The following NOTCH2 variants were observed in gnomAD, a reference collection of about 807,000 sequenced individuals.
NOTCH2 encodes neurogenic locus notch homolog protein 2.
A neutral mutation model predicts 235.8 loss-of-function variants in NOTCH2; 29 were observed. That is an observed-to-expected ratio of 0.12 (90% CI 0.09 to 0.17). The LOEUF (loss-of-function observed/expected upper bound fraction) is 0.17. Ranked by LOEUF, NOTCH2 falls within the 10% of genes least tolerant of loss-of-function variation. NOTCH2 has a pLI of 1.00. For missense variants in NOTCH2, 2,285 were observed against 3,150.2 expected (o/e 0.73, Z 6.57); for synonymous variants, 1,086 against 1,141.5 (o/e 0.95, Z 0.98).
chr1:119,967,722 C>A, intron 7 of NOTCH2, 101 bp from the exon 8 acceptor site: 1 of 1,011,812 alleles, frequency 9.9e-7, no homozygotes, highest in African/African-American at 1.6e-5. Flanking sequence ...AGGGCCAGGC[C>A]TTCAATAATA....
chr1:120,005,180 T>C (rs1553206088), intron 3 of NOTCH2, 149 bp downstream of exon 3: 2 of 923,594 alleles, frequency 2.2e-6, no homozygotes, highest in Admixed American at 2.0e-5. Context: ...TTAGGGATAG[T>C]TGTCTGGAAC....
chr1:119,918,317 G>T, intron 32 of NOTCH2, 89 bp downstream of exon 32: 1 of 1,401,212 alleles, frequency 7.1e-7, no homozygotes, highest in Non-Finnish European at 1.0e-6. Context: ...TGGATCTCAG[G>T]CAGTTCTCTA....
At chr1:119,927,797 T>C (rs1649525248) in intron 23 of NOTCH2, among the ~76,000 whole-genome samples, 1 of 152,256 alleles carries the variant, frequency 6.6e-6, no homozygotes, top group Non-Finnish European at 1.5e-5. Flanking sequence ...ATAGCTATTA[T>C]GTTCACAATG....
intron 23 of NOTCH2, among the ~76,000 whole-genome samples, 175 bp from the exon 24 acceptor site, chr1:119,926,786 G>A (rs752481732): frequency 2.0e-5 from 3 of 152,132 alleles, no homozygotes; most frequent in Non-Finnish European, 4.4e-5. Flanking sequence ...ATCTCAACAT[G>A]ATTGGCCTGT....
chr1:119,967,439 T>C lies in NOTCH2; in HGVS notation c.1447A>G (p.Met483Val). Reference sequence around the variant, plus strand: ...TGCTGATGGGCCCATTTACCTGGCATGCACAGACATGTGAAGCCTCCAATC... The same window carrying C: ...TGCTGATGGGCCCATTTACCTGGCACGCACAGACATGTGAAGCCTCCAATC... ...DKIGGFTCLC[M>V]PGFKGVHCEL... The change falls in exon 8 of 34, where the codon ATG becomes GTG. Residue 483 changes from methionine (M) to valine (V), a missense_variant. Met to Val is a conservative substitution (Grantham distance 21, BLOSUM62 1). Transcript: ENST00000256646. 6.2e-7 allele frequency: 1 copy of C among 1,614,076 alleles called. No individual in the cohort carries two copies. The highest frequency in any genetic ancestry group is 8.5e-7 in the Non-Finnish European group (1 of 1,179,924).
intron 1 of NOTCH2, among the ~76,000 whole-genome samples, chr1:120,033,826 C>T (rs1654198770): frequency 6.6e-6 from 1 of 152,118 alleles, no homozygotes; most frequent in Non-Finnish European, 1.5e-5. Flanking sequence ...GAAGGATACA[C>T]TAACTACCTT....
rs587598780 is a variant in NOTCH2, at chr1:119,912,634, A to C, written c.*2672T>G. The C allele has an allele frequency of 2.2e-4, 52 of 233,244 alleles. No individual in the cohort carries two copies. The South Asian group carries it at 3.4e-3, about 15-fold the overall frequency. 14.4% of individuals were successfully genotyped at this position (233,244 alleles called of 1,614,324 possible). A position where few individuals can be genotyped will look rare whatever the true frequency, so the allele number is the denominator to read the frequency against. On this transcript the variant is annotated 3_prime_UTR_variant, in exon 34 of 34. Transcript: ENST00000256646. ...CAGGCAGAAGAGGAGTCAAAGAAAG[A>C]AAGCATTTATAACAATAAAAATAAA...
intron 22 of NOTCH2, among the ~76,000 whole-genome samples, chr1:119,933,111 A>T (rs1553195368): frequency 6.6e-6 from 1 of 152,016 alleles, no homozygotes; most frequent in Non-Finnish European, 1.5e-5. Context: ...AATGAGCATA[A>T]ATGCATATTT....
At chr1:119,925,241 G>A in intron 25 of NOTCH2, 64 bp downstream of exon 25, 1 of 1,604,624 alleles carries the variant, frequency 6.2e-7, no homozygotes, top group Non-Finnish European at 8.5e-7. Context: ...TTAGGAGCAA[G>A]AACGAGAAAC....
At chr1:119,956,052 A>T (rs1650685764) in intron 12 of NOTCH2, among the ~76,000 whole-genome samples, 1 of 152,228 alleles carries the variant, frequency 6.6e-6, no homozygotes. Flanking sequence ...ACTTATCATC[A>T]TCATACAATG....
rs2101137553 is a variant in NOTCH2 at position 119,963,798 on chromosome 1, C to G, written c.1691G>C (p.Gly564Ala). The change falls in exon 11 of 34, where the codon GGT becomes GCT. Residue 564 changes from glycine (G) to alanine (A), a missense_variant. Around this residue, in one of 6 missense-constraint regions of NOTCH2, gnomAD observed 431 missense variants for 757.8 expected, o/e 0.57. Transcript: ENST00000256646. ...YECQCATGFT[G>A]VLCEENIDNC... ...GTCAATGTTCTCCTCACACAACACA[C>G]CAGTGAAACCTTTGGAAAGAATTTT... 2 of 1,613,804 alleles carry G rather than the reference C, an allele frequency of 1.2e-6. No homozygotes were observed. Among genetic ancestry groups the G allele is most frequent in the Non-Finnish European group, 1.7e-6 (2 of 1,179,722 alleles).
chr1:120,065,241 A>C (rs781848179), intron 1 of NOTCH2, among the ~76,000 whole-genome samples: 1 of 152,242 alleles, frequency 6.6e-6, no homozygotes, highest in Non-Finnish European at 1.5e-5. Flanking sequence ...CTGTTTTTAA[A>C]ATGTCTAGGA....
chr1:119,969,480 C>T (rs1370410623), intron 6 of NOTCH2, 31 bp downstream of exon 6: 1 of 1,594,796 alleles, frequency 6.3e-7, no homozygotes, highest in Non-Finnish European at 8.6e-7. Flanking sequence ...TGCCCCTTCC[C>T]TGTTTCTAGA....
intron 4 of NOTCH2, chr1:119,995,593 T>C (rs1652407994): frequency 6.6e-6 from 1 of 152,234 alleles, no homozygotes; most frequent in Admixed American, 6.5e-5. Flanking sequence ...TTTAGTTATT[T>C]CTTCTACAAG....
At chr1:119,986,769 TC>T (rs1652034100) in intron 5 of NOTCH2, among the ~76,000 whole-genome samples, 190 bp downstream of exon 5, 1 of 152,142 alleles carries the variant, frequency 6.6e-6, no homozygotes, top group African/African-American at 2.4e-5. Context: ...TGAAAATATG[TC>T]TTTGAGTGAA....
rs758985315 is a variant in NOTCH2 at position 119,916,525 on chromosome 1, T to C, written c.6197A>G (p.Asn2066Ser). 3.1e-6 allele frequency: 5 copies of C among 1,613,210 alleles called. No individual in the cohort carries two copies. In the South Asian group the frequency reaches 3.3e-5, roughly 11 times the overall value. Residue 2066 changes from asparagine to serine, a missense_variant, in exon 34 of 34, where the codon AAT (asparagine) becomes AGT (serine). Physicochemically the swap from Asn to Ser is conservative, Grantham distance 46. This residue lies in a region of NOTCH2 where 504 missense variants were observed against 538.0 expected (regional missense o/e 0.94). Coordinates refer to ENST00000256646, the MANE Select transcript of NOTCH2 (RefSeq NM_024408.4). Reference protein sequence around the residue: ...HDIVRLLDEYNVTPSPPGTVL... With the variant: ...HDIVRLLDEYSVTPSPPGTVL... ...GGTGCCTGGAGGGCTTGGGGTCACA[T>C]TGTATTCATCCAGAAGGCGCACAAT...
intron 1 of NOTCH2, among the ~76,000 whole-genome samples, chr1:120,041,071 A>AAAAATATAT (rs1557859547): frequency 1.3e-5 from 1 of 77,330 alleles, no homozygotes; most frequent in Admixed American, 1.3e-4. Context: ...AAAAAAAAAA[A>AAAAATATAT]ATATATATAT....
intron 2 of NOTCH2, among the ~76,000 whole-genome samples, chr1:120,024,879 A>C (rs327194): frequency 0.16 from 24,188 of 149,748 alleles, 2,217 homozygotes; most frequent in African/African-American, 0.31. Context: ...ATATCAGACT[A>C]GCCCTCTTGC....
At chr1:120,069,168 G>A (rs1655647531) in intron 1 of NOTCH2, 166 bp downstream of exon 1, 17 of 1,527,572 alleles carry the variant, frequency 1.1e-5, no homozygotes, top group African/African-American at 5.5e-5. Context: ...CACCACGGGA[G>A]GGGCCCCCGG....
Sources: allele counts gnomAD v4.1 joint callset (sites outside exome capture counted in the v4.1 genomes callset), GRCh38; gene constraint gnomAD v4.1.1; regional missense constraint gnomAD v4.1.1; transcripts MANE v1.5; gene names NCBI Gene and HGNC (gene_info 2026-07-23, HGNC 2026-07-21).